Variants in KALRN observed in about 807,000 individuals in gnomAD.
The protein encoded by KALRN is kalirin.
A neutral mutation model predicts 353.7 loss-of-function variants in KALRN; 70 were observed. That is an observed-to-expected ratio of 0.20 (90% CI 0.16 to 0.24). KALRN has a LOEUF of 0.24. Among genes scored for constraint, KALRN ranks in the 10% least tolerant of loss-of-function variants. The probability of loss-of-function intolerance (pLI) is 1.00; values close to 1 mark genes in which losing one functional copy is unlikely to be tolerated. For synonymous variants in KALRN, 1,391 were observed against 1,434.8 expected (o/e 0.97, Z 0.69); for missense variants, 2,791 against 3,756.7 (o/e 0.74, Z 6.72).
intron 3 of KALRN, 138 bp from the exon 4 acceptor site, chr3:124,264,360 G>A: frequency 3.0e-6 from 2 of 674,976 alleles, no homozygotes; most frequent in Non-Finnish European, 5.1e-6. Context: ...TGAGTTTGAA[G>A]GTGGCCAAGA....
At chr3:124,628,158 TC>T (rs1351293119) in intron 34 of KALRN, among the ~76,000 whole-genome samples, 20 of 14,160 alleles carry the variant, frequency 1.4e-3, no homozygotes, top group Non-Finnish European at 1.5e-3. Flanking sequence ...CCTCCCTCCC[TC>T]CCTTCCTTCC....
In KALRN at chr3:124,456,771, A is replaced by T. The variant is rs184992299; in HGVS notation, c.3854+43A>T. ...CCCAGCTAGCTGGCTCCCCGTGACTATGCTGGGCTTTCACCGCTACTTGTC... is the reference window on the plus strand; with the variant it reads ...CCCAGCTAGCTGGCTCCCCGTGACTTTGCTGGGCTTTCACCGCTACTTGTC... On this transcript the variant is annotated intron_variant, in intron 23 of 59. Transcript: ENST00000682506. 17 of 1,390,386 alleles carry T rather than the reference A, an allele frequency of 1.2e-5. No homozygotes were observed. The East Asian group carries it at 3.2e-4, about 27-fold the overall frequency. 86.1% of individuals were successfully genotyped at this position (1,390,386 alleles called of 1,614,324 possible). A position where few individuals can be genotyped will look rare whatever the true frequency, so the allele number is the denominator to read the frequency against.
chr3:124,331,913 G>A (rs1323928453), intron 8 of KALRN, among the ~76,000 whole-genome samples: 1 of 152,178 alleles, frequency 6.6e-6, no homozygotes, highest in Non-Finnish European at 1.5e-5. Flanking sequence ...CTCATGTGGG[G>A]TGGATTTCTA....
chr3:124,587,895 A>G (rs1334451271), intron 34 of KALRN, among the ~76,000 whole-genome samples: 3 of 134,584 alleles, frequency 2.2e-5, no homozygotes, highest in South Asian at 4.7e-4. Flanking sequence ...AGGTCTCACT[A>G]TGTTGCCAGG....
At chr3:124,439,063 C>T in intron 18 of KALRN, 26 bp downstream of exon 18, 2 of 1,607,024 alleles carry the variant, frequency 1.2e-6, no homozygotes, top group Non-Finnish European at 1.7e-6. Context: ...CATGCAAGGG[C>T]TCAGACTCCT....
At chr3:124,528,843 A>G (rs2067800041) in intron 33 of KALRN, among the ~76,000 whole-genome samples, 1 of 152,194 alleles carries the variant, frequency 6.6e-6, no homozygotes, top group Non-Finnish European at 1.5e-5. Flanking sequence ...CACATTCTCT[A>G]TGTGGCTATG....
At chr3:124,322,356 C>T (rs1386618788) in intron 6 of KALRN, among the ~76,000 whole-genome samples, 1 of 152,218 alleles carries the variant, frequency 6.6e-6, no homozygotes, top group African/African-American at 2.4e-5. Flanking sequence ...GAAGTCAAGT[C>T]ATATCTTAAG....
chr3:124,406,713 C>T (rs938517253), intron 13 of KALRN, among the ~76,000 whole-genome samples: 11 of 152,026 alleles, frequency 7.2e-5, no homozygotes, highest in African/African-American at 2.2e-4. Context: ...TATATAATCA[C>T]CTTTGCTGAG....
At chr3:124,477,603 AG>A (rs2061552185) in intron 27 of KALRN, among the ~76,000 whole-genome samples, 1 of 152,216 alleles carries the variant, frequency 6.6e-6, no homozygotes, top group Admixed American at 6.5e-5. Flanking sequence ...ACATGTTTAG[AG>A]GAGGGCCACT....
chr3:124,290,991 T>G (rs896301326), intron 5 of KALRN, among the ~76,000 whole-genome samples: 1 of 152,206 alleles, frequency 6.6e-6, no homozygotes, highest in Non-Finnish European at 1.5e-5. Flanking sequence ...CCAGGGAGTC[T>G]TCTTAGGTCC....
At chr3:124,208,030 C>T (rs1347930323) in intron 1 of KALRN, among the ~76,000 whole-genome samples, 1 of 152,134 alleles carries the variant, frequency 6.6e-6, no homozygotes, top group African/African-American at 2.4e-5. Context: ...ACTGGGTACA[C>T]GCTTTCCCCC....
At chr3:124,085,604 C>G (rs967835130) in intron 1 of KALRN, among the ~76,000 whole-genome samples, 1 of 152,166 alleles carries the variant, frequency 6.6e-6, no homozygotes, top group Non-Finnish European at 1.5e-5. Flanking sequence ...ATTTCACATT[C>G]TAGACCTTAT....
chr3:124,294,520 CTTTTTTTTT>C lies in KALRN; in HGVS notation c.970-4257_970-4249del, dbSNP rs397990993. Among the ~76,000 whole-genome samples, 6 of 73,898 alleles carry C rather than the reference CTTTTTTTTT, an allele frequency of 8.1e-5. 1 individual carries two copies. Among genetic ancestry groups the C allele is most frequent in the East Asian group, 1.0e-3 (2 of 1,980 alleles). 48.5% of individuals were successfully genotyped at this position (73,898 alleles called of 152,430 possible). ...GGGCTGAGACTAAGAAGATTCTCTT[CTTTTTTTTT>C]TTTTTTTTTTTTTGAGATGGAGTCT... On this transcript the variant is annotated intron_variant, in intron 5 of 59. Transcript: ENST00000682506.
intron 37 of KALRN, among the ~76,000 whole-genome samples, chr3:124,637,701 A>C (rs1485454715): frequency 6.6e-6 from 1 of 152,196 alleles, no homozygotes; most frequent in African/African-American, 2.4e-5. Flanking sequence ...AGGAAATTTT[A>C]TGGGGACTTG....
intron 33 of KALRN, among the ~76,000 whole-genome samples, chr3:124,547,297 G>C (rs1237872911): frequency 6.6e-6 from 1 of 150,386 alleles, no homozygotes; most frequent in Non-Finnish European, 1.5e-5. Flanking sequence ...ACTGTGCCAG[G>C]CCAAAATAAT....
intron 23 of KALRN, among the ~76,000 whole-genome samples, chr3:124,460,308 C>A (rs1488338853): frequency 6.6e-6 from 1 of 152,202 alleles, no homozygotes; most frequent in Admixed American, 6.5e-5. Flanking sequence ...CTGGCCAGAT[C>A]TTCCTCCTTG....
chr3:124,290,011 G>A (rs2076288234), intron 5 of KALRN, among the ~76,000 whole-genome samples: 1 of 152,170 alleles, frequency 6.6e-6, no homozygotes, highest in African/African-American at 2.4e-5. Context: ...CCACAAATTG[G>A]CAGCCAGGGA....
chr3:124,676,546 C>T (rs1456726507), intron 49 of KALRN, among the ~76,000 whole-genome samples: 1 of 152,184 alleles, frequency 6.6e-6, no homozygotes, highest in African/African-American at 2.4e-5. Context: ...CCTGCCCTGC[C>T]ATTTATACTA....
chr3:124,462,061 G>A (rs2059911610), intron 24 of KALRN, 105 bp downstream of exon 24: 1 of 795,944 alleles, frequency 1.3e-6, no homozygotes, highest in African/African-American at 1.7e-5. Context: ...CTCCCAGAGA[G>A]TAATGAATTA....
Sources: gnomAD v4.1 joint callset for allele counts (sites outside exome capture counted in the v4.1 genomes callset) on GRCh38, gnomAD v4.1.1 for gene constraint, MANE v1.5 for transcripts, NCBI Gene and HGNC (gene_info 2026-07-23, HGNC 2026-07-21) for gene names.